The following ATXN2 variants were observed in gnomAD, a reference collection of about 807,000 sequenced individuals.
ATXN2 encodes ataxin-2.
Under a neutral mutation model 138.6 loss-of-function variants are expected in ATXN2, and 37 were observed. The ratio of observed to expected loss-of-function variants is 0.27; its 90% confidence interval spans 0.21 to 0.35. The LOEUF (loss-of-function observed/expected upper bound fraction) is 0.35. Among genes scored for constraint, ATXN2 ranks in the 10% least tolerant of loss-of-function variants. ATXN2 has a pLI of 1.00. For synonymous variants in ATXN2, 549 were observed against 543.7 expected (o/e 1.01, Z -0.13); for missense variants, 1,216 against 1,480.3 (o/e 0.82, Z 2.93).
Position 111,470,678 on chromosome 12 carries a change from T to C in ATXN2, c.2589A>G (p.Ser863=), listed in dbSNP as rs1876349689. The C allele has an allele frequency of 1.2e-6, 2 of 1,614,120 alleles. No homozygotes were observed. Among genetic ancestry groups the C allele is most frequent in the Non-Finnish European group, 1.7e-6 (2 of 1,180,026 alleles). ...HHQSAMMHPA[S]AAGPPIAATP... is the part of the protein sequence containing the mutation. ...TGGCTGCAATCGGTGGGCCCGCTGCTGACGCTGGGTGCATCATGGCACTCT... is the reference window on the plus strand; with the variant it reads ...TGGCTGCAATCGGTGGGCCCGCTGCCGACGCTGGGTGCATCATGGCACTCT... Residue 863 remains serine (S), a synonymous_variant, in exon 19 of 25, where the codon TCA becomes TCG. Transcript: ENST00000673436.
intron 1 of ATXN2, among the ~76,000 whole-genome samples, chr12:111,590,751 C>A (rs1207000505): frequency 6.6e-6 from 1 of 151,984 alleles, no homozygotes; most frequent in Non-Finnish European, 1.5e-5. Context: ...AGCATTAGCA[C>A]CTGAGCCCCA....
In ATXN2 at chr12:111,552,018, T is replaced by C. The variant is rs1331847113; in HGVS notation, c.571+262A>G. Among the ~76,000 whole-genome samples the C allele has an allele frequency of 2.0e-5, 3 of 151,946 alleles. No homozygotes were observed. The highest frequency in any genetic ancestry group is 4.4e-5 in the Non-Finnish European group (3 of 67,968). The stretch of plus-strand genomic sequence containing the variant: ...TCAGCCTCCCTAGTAGCTAGGACTA[T>C]AGGCGCACGCCACCACACACAAAAA... On this transcript the variant is annotated intron_variant, in intron 5 of 24. Transcript: ENST00000673436. The surrounding 1 kb of genome is among the most constrained non-coding windows in gnomAD (Gnocchi z 4.1).
chr12:111,569,719 A>ACAC (rs139641691), intron 1 of ATXN2, among the ~76,000 whole-genome samples: 3 of 151,850 alleles, frequency 2.0e-5, no homozygotes, highest in East Asian at 1.9e-4. Flanking sequence ...CTGTCTTAAA[A>ACAC]CACCACCACC....
At chr12:111,496,490 C>T (rs546907514) in intron 14 of ATXN2, among the ~76,000 whole-genome samples, 143 of 151,984 alleles carry the variant, frequency 9.4e-4, no homozygotes, top group African/African-American at 3.4e-3. Context: ...AAGCCGAGAT[C>T]GCGCCACTAC....
intron 16 of ATXN2, 100 bp from the exon 17 acceptor site, chr12:111,485,965 TTAAC>T: frequency 8.4e-7 from 1 of 1,187,456 alleles, no homozygotes; most frequent in Non-Finnish European, 1.2e-6. Context: ...TTTACTTGCT[TTAAC>T]TATGTCCCTT....
intron 17 of ATXN2, 122 bp downstream of exon 17, chr12:111,485,591 T>A: frequency 8.3e-7 from 1 of 1,211,582 alleles, no homozygotes; most frequent in Non-Finnish European, 1.2e-6. Flanking sequence ...TCTGCATGCC[T>A]GTCTGTTTCA....
intron 18 of ATXN2, among the ~76,000 whole-genome samples, chr12:111,476,878 A>C (rs551458005): frequency 3.3e-5 from 5 of 152,352 alleles, no homozygotes; most frequent in South Asian, 4.1e-4. Context: ...CAAAGAACGC[A>C]GAATAAGAGT....
At chr12:111,590,787 G>A (rs1371077293) in intron 1 of ATXN2, among the ~76,000 whole-genome samples, 1 of 152,084 alleles carries the variant, frequency 6.6e-6, no homozygotes, top group African/African-American at 2.4e-5. Flanking sequence ...GCAGCATTAG[G>A]TTCTTATAGA....
At chr12:111,504,905 G>A (rs1347904491) in intron 14 of ATXN2, among the ~76,000 whole-genome samples, 2 of 152,138 alleles carry the variant, frequency 1.3e-5, no homozygotes, top group Non-Finnish European at 2.9e-5. Context: ...CAGACCCCCA[G>A]AGAGGGCTCT....
intron 16 of ATXN2, among the ~76,000 whole-genome samples, chr12:111,486,166 A>G (rs1373544618): frequency 1.3e-5 from 2 of 152,228 alleles, no homozygotes; most frequent in Non-Finnish European, 1.5e-5. Flanking sequence ...CAGTCGAATA[A>G]TAACAATAGT....
chr12:111,562,695 G>A (rs1369422861), intron 1 of ATXN2, among the ~76,000 whole-genome samples: 6 of 140,506 alleles, frequency 4.3e-5, no homozygotes, highest in Admixed American at 2.2e-4. Context: ...ACTCCAGCCT[G>A]GGCAATAAGA....
At chr12:111,470,067 G>C (rs774436819) in intron 20 of ATXN2, 41 bp downstream of exon 20, 12 of 1,569,964 alleles carry the variant, frequency 7.6e-6, no homozygotes, top group Non-Finnish European at 1.0e-5. Flanking sequence ...AAATTAAGAA[G>C]AGTCACACAC....
chr12:111,507,088 C>T (rs1466821261), intron 14 of ATXN2, among the ~76,000 whole-genome samples: 5 of 152,144 alleles, frequency 3.3e-5, no homozygotes, highest in African/African-American at 9.7e-5. Flanking sequence ...GCCGCCACCC[C>T]GTCTGGGAAG....
chr12:111,593,967 T>G (rs796118549), intron 1 of ATXN2, among the ~76,000 whole-genome samples: 5 of 152,298 alleles, frequency 3.3e-5, no homozygotes, highest in African/African-American at 1.2e-4. Flanking sequence ...CTTCAAATCT[T>G]TGCTCAAATG....
At chr12:111,498,184 A>G (rs1645218389) in intron 14 of ATXN2, among the ~76,000 whole-genome samples, 1 of 152,196 alleles carries the variant, frequency 6.6e-6, no homozygotes, top group Admixed American at 6.5e-5. Context: ...CACTTTCACC[A>G]TTGTTATTCA....
intron 1 of ATXN2, chr12:111,581,426 C>A: frequency 1.3e-6 from 1 of 751,820 alleles, no homozygotes; most frequent in Non-Finnish European, 2.4e-6. Context: ...CATCGGCCAT[C>A]CCCCTAACTA....
At chr12:111,525,125 AT>A in intron 6 of ATXN2, 66 bp downstream of exon 6, 1 of 1,523,536 alleles carries the variant, frequency 6.6e-7, no homozygotes, top group Non-Finnish European at 8.8e-7. Context: ...GCACATTTAA[AT>A]TACAACCAAG....
At chr12:111,463,536 C>T (rs1268861800) in intron 21 of ATXN2, among the ~76,000 whole-genome samples, 1 of 152,186 alleles carries the variant, frequency 6.6e-6, no homozygotes, top group Non-Finnish European at 1.5e-5. Context: ...CTCGGCCTCC[C>T]AAAGTACTGG....
intron 18 of ATXN2, chr12:111,482,819 A>T (rs1877341859): frequency 6.6e-6 from 1 of 151,908 alleles, no homozygotes; most frequent in Non-Finnish European, 1.5e-5. Flanking sequence ...CAACAGGTTC[A>T]TATGTTCCAA....
Sources: allele counts gnomAD v4.1 joint callset (sites outside exome capture counted in the v4.1 genomes callset), GRCh38; gene constraint gnomAD v4.1.1; non-coding constraint Gnocchi (gnomAD v3.1); transcripts MANE v1.5; gene names NCBI Gene and HGNC (gene_info 2026-07-23, HGNC 2026-07-21).